Variants in STRN3 observed in about 807,000 individuals in gnomAD.
STRN3 encodes striatin-3.
STRN3 carries 29 observed loss-of-function variants against 95.6 expected under a neutral mutation model. The ratio of observed to expected loss-of-function variants is 0.30; its 90% CI spans 0.23 to 0.41. STRN3 has a LOEUF of 0.41. Among genes scored for constraint, STRN3 ranks in the 10% least tolerant of loss-of-function variants. STRN3 has a pLI of 1.00. For synonymous variants in STRN3, 331 were observed against 357.6 expected (o/e 0.93, Z 0.84); for missense variants, 890 against 972.1 (o/e 0.92, Z 1.12).
Position 30,895,102 on chromosome 14 carries a change from A to C in STRN3, c.*309T>G. On this transcript the variant is annotated 3_prime_UTR_variant, in exon 18 of 18. Transcript: ENST00000357479. ...AAAGAAGAAGAAGAAGAGAAAAAAA[A>C]AAACTTTTTTGAAAGATCAGACTCC... The C allele has an allele frequency of 3.5e-6, 1 of 288,216 alleles. No individual in the cohort carries two copies. The highest frequency in any genetic ancestry group is 9.7e-5 in the South Asian group (1 of 10,258). 17.9% of individuals were successfully genotyped at this position (288,216 alleles called of 1,614,324 possible).
intron 1 of STRN3, among the ~76,000 whole-genome samples, chr14:30,958,695 A>G (rs1880038304): frequency 6.6e-6 from 1 of 152,220 alleles, no homozygotes. Context: ...GCTTCTGAAG[A>G]AGTAAAAATT....
intron 12 of STRN3, 115 bp from the exon 13 acceptor site, chr14:30,911,277 A>T: frequency 1.9e-6 from 2 of 1,080,484 alleles, no homozygotes; most frequent in Non-Finnish European, 2.6e-6. Flanking sequence ...TTAAGAGAAC[A>T]TGTACACCTG....
In STRN3 at chr14:30,969,888, C is replaced by T. The variant is rs1031080698; in HGVS notation, c.283-13646G>A. On this transcript the variant is annotated intron_variant, in intron 1 of 17. Coordinates refer to ENST00000357479, the MANE Select transcript of STRN3 (RefSeq NM_001083893.2). ...ATCAAAGAGTGGAAAGAAAAAAACT[C>T]GAGCCAGCATGGGAAGGACCCTACC... Among the ~76,000 whole-genome samples the T allele has an allele frequency of 3.3e-5, 5 of 152,050 alleles. 1 individual carries two copies. Among genetic ancestry groups the T allele is most frequent in the South Asian group, 4.2e-4 (2 of 4,816 alleles).
intron 9 of STRN3, among the ~76,000 whole-genome samples, chr14:30,916,216 C>T (rs1896734693): frequency 6.6e-6 from 1 of 151,466 alleles, no homozygotes; most frequent in Non-Finnish European, 1.5e-5. Context: ...ATATAATTAC[C>T]CATAATATAA....
intron 7 of STRN3, among the ~76,000 whole-genome samples, chr14:30,931,412 G>C (rs10872847): frequency 6.6e-6 from 1 of 152,190 alleles, no homozygotes; most frequent in Admixed American, 6.5e-5. Flanking sequence ...ACAAATATGC[G>C]TAAGAAAGTT....
intron 1 of STRN3, among the ~76,000 whole-genome samples, chr14:30,980,471 A>T (rs1325078176): frequency 1.3e-5 from 2 of 151,592 alleles, no homozygotes; most frequent in Non-Finnish European, 2.9e-5. Flanking sequence ...GCAGTGGCAC[A>T]ATCTCAGCTC....
chr14:30,939,276 T>C (rs1878977940), intron 5 of STRN3, among the ~76,000 whole-genome samples: 1 of 152,168 alleles, frequency 6.6e-6, no homozygotes, highest in Non-Finnish European at 1.5e-5. Flanking sequence ...AAAAGGGCAA[T>C]ATGTGTCTCT....
chr14:30,972,211 C>G (rs767340993), intron 1 of STRN3, among the ~76,000 whole-genome samples: 1 of 152,108 alleles, frequency 6.6e-6, no homozygotes, highest in Non-Finnish European at 1.5e-5. Flanking sequence ...CTCACCTGCT[C>G]CAATCTACGT....
At chr14:30,926,016 A>T (rs1039140665) in intron 8 of STRN3, among the ~76,000 whole-genome samples, 3 of 152,074 alleles carry the variant, frequency 2.0e-5, no homozygotes, top group Admixed American at 1.3e-4. Flanking sequence ...GAAGTTTGTG[A>T]TCCATAAACA....
At chr14:30,945,511 G>A (rs1879318109) in intron 5 of STRN3, among the ~76,000 whole-genome samples, 1 of 152,026 alleles carries the variant, frequency 6.6e-6, no homozygotes, top group Non-Finnish European at 1.5e-5. Context: ...AGGCTGAGGT[G>A]GGAGGATAAC....
At chr14:30,982,098 CAAAAAAAAAA>C (rs11451891) in intron 1 of STRN3, among the ~76,000 whole-genome samples, 12 of 75,556 alleles carry the variant, frequency 1.6e-4, no homozygotes, top group Non-Finnish European at 2.5e-4. Context: ...CTCTGTCTCA[CAAAAAAAAAA>C]AAAAAAAAAA....
intron 7 of STRN3, among the ~76,000 whole-genome samples, chr14:30,933,961 G>C (rs1878685231): frequency 6.6e-6 from 1 of 152,088 alleles, no homozygotes; most frequent in African/African-American, 2.4e-5. Context: ...TGCTATCAAA[G>C]TTGTTTTTTA....
intron 1 of STRN3, among the ~76,000 whole-genome samples, chr14:31,024,646 C>T (rs535502984): frequency 6.6e-6 from 1 of 152,260 alleles, no homozygotes; most frequent in East Asian, 1.9e-4. Flanking sequence ...TAGTTCAGAA[C>T]CAAACTAAAG....
At chr14:30,943,609 T>C (rs1594472098) in intron 5 of STRN3, among the ~76,000 whole-genome samples, 1 of 151,930 alleles carries the variant, frequency 6.6e-6, no homozygotes, top group African/African-American at 2.4e-5. Context: ...AAAACAACAC[T>C]AAACAAATAA....
intron 5 of STRN3, among the ~76,000 whole-genome samples, chr14:30,937,222 G>A (rs1345833314): frequency 2.0e-5 from 3 of 152,154 alleles, no homozygotes; most frequent in African/African-American, 4.8e-5. Context: ...GCTGAGATAG[G>A]AGGATTATTT....
chr14:31,012,317 C>T (rs1465387251), intron 1 of STRN3, among the ~76,000 whole-genome samples: 4 of 152,174 alleles, frequency 2.6e-5, no homozygotes, highest in Admixed American at 2.0e-4. Context: ...CAGTTAACAG[C>T]TTTCAAAGCA....
chr14:30,972,951 G>A (rs1880907868), intron 1 of STRN3, among the ~76,000 whole-genome samples: 1 of 152,278 alleles, frequency 6.6e-6, no homozygotes, highest in Non-Finnish European at 1.5e-5. Flanking sequence ...GCTCACGCCT[G>A]TAATCCTAAC....
Position 30,894,565 on chromosome 14 carries a change from T to C in STRN3, c.*846A>G, listed in dbSNP as rs901257987. ...TAGTTTTTTTCTTTAAGAGTTCATTTGGAGTACTAAACCCCACTGTTTCAT... is the reference window on the plus strand; with the variant it reads ...TAGTTTTTTTCTTTAAGAGTTCATTCGGAGTACTAAACCCCACTGTTTCAT... On this transcript the variant is annotated 3_prime_UTR_variant, in exon 18 of 18. Coordinates refer to ENST00000357479, the MANE Select transcript of STRN3 (RefSeq NM_001083893.2). The C allele has an allele frequency of 1.3e-5, 2 of 152,844 alleles. No homozygotes were observed. Among genetic ancestry groups the C allele is most frequent in the African/African-American group, 4.8e-5 (2 of 41,454 alleles). 9.5% of individuals were successfully genotyped at this position (152,844 alleles called of 1,614,324 possible).
At chr14:30,952,468 G>C (rs1879694338) in intron 3 of STRN3, among the ~76,000 whole-genome samples, 1 of 152,146 alleles carries the variant, frequency 6.6e-6, no homozygotes, top group African/African-American at 2.4e-5. Flanking sequence ...GGGAGGCCAA[G>C]GCAGGTGGGT....
Sources: allele counts gnomAD v4.1 joint callset (sites outside exome capture counted in the v4.1 genomes callset), GRCh38; gene constraint gnomAD v4.1.1; transcripts MANE v1.5; gene names NCBI Gene and HGNC (gene_info 2026-07-23, HGNC 2026-07-21).